The following ITSN1 variants were observed in gnomAD, a reference collection of about 807,000 sequenced individuals.
ITSN1 encodes intersectin-1.
A neutral mutation model predicts 239.8 loss-of-function variants in ITSN1; 58 were observed. The observed-to-expected ratio is 0.24, with a 90% CI of 0.20 to 0.30. The LOEUF is 0.30. Among genes scored for constraint, ITSN1 ranks in the 10% least tolerant of loss-of-function variants. The pLI, the probability that ITSN1 is intolerant of heterozygous loss-of-function variation, is 1.00. For synonymous variants in ITSN1, 780 were observed against 770.8 expected (o/e 1.01, Z -0.20); for missense variants, 1,558 against 2,103.3 (o/e 0.74, Z 5.07).
chr21:33,706,373 A>G (rs2092248026), intron 1 of ITSN1, among the ~76,000 whole-genome samples: 2 of 151,980 alleles, frequency 1.3e-5, no homozygotes, highest in African/African-American at 4.8e-5. Context: ...CATTTTCCCC[A>G]CTTATATGAA....
chr21:33,804,955 G>A (rs2072298475), intron 20 of ITSN1, among the ~76,000 whole-genome samples: 1 of 152,238 alleles, frequency 6.6e-6, no homozygotes, highest in Non-Finnish European at 1.5e-5. Context: ...CAGCCAGTGG[G>A]TTGCGGGTTG....
chr21:33,806,754 T>C (rs2072488433), intron 20 of ITSN1, among the ~76,000 whole-genome samples: 1 of 152,238 alleles, frequency 6.6e-6, no homozygotes, highest in Admixed American at 6.5e-5. Flanking sequence ...AATGAAATTG[T>C]ATTGAGACCA....
intron 1 of ITSN1, among the ~76,000 whole-genome samples, chr21:33,674,715 ATAATT>A (rs1042083133): frequency 9.9e-5 from 15 of 152,170 alleles, no homozygotes; most frequent in Admixed American, 8.5e-4. Flanking sequence ...AGATTTGGAA[ATAATT>A]TAATTTTAAA....
chr21:33,721,912 T>C (rs1318745169), intron 3 of ITSN1: 4 of 151,720 alleles, frequency 2.6e-5, no homozygotes, highest in Admixed American at 2.0e-4. Context: ...TTTTTCTTCT[T>C]CTTTTTTTTT....
At chr21:33,648,665 G>A (rs770285300) in intron 1 of ITSN1, among the ~76,000 whole-genome samples, 21 of 152,188 alleles carry the variant, frequency 1.4e-4, no homozygotes, top group South Asian at 8.3e-4. Context: ...GGGCAACATA[G>A]CAAGACCCTA....
intron 29 of ITSN1, among the ~76,000 whole-genome samples, chr21:33,856,122 T>C (rs747578538): frequency 1.3e-5 from 2 of 152,252 alleles, no homozygotes; most frequent in Non-Finnish European, 2.9e-5. Context: ...ATAATTCTAG[T>C]ATAATACTTG....
chr21:33,870,231 C>T (rs1191130051), intron 33 of ITSN1, among the ~76,000 whole-genome samples: 1 of 152,212 alleles, frequency 6.6e-6, no homozygotes, highest in East Asian at 1.9e-4. Flanking sequence ...ACCACAGTTA[C>T]TATTTAATTA....
chr21:33,654,039 TTTCTTTCTCTCTTTGTCTC>T (rs2088807853), intron 1 of ITSN1, among the ~76,000 whole-genome samples: 1 of 151,902 alleles, frequency 6.6e-6, no homozygotes, highest in South Asian at 2.1e-4. Context: ...CCTCTTTCTC[TTTCTTTCTCTCTTTGTCTC>T]TTCTTTCTCT....
At chr21:33,829,459 CTGGGAACGGGCG>C (rs1314817137) in intron 26 of ITSN1, 153 bp from the exon 27 acceptor site, 6 of 702,736 alleles carry the variant, frequency 8.5e-6, no homozygotes, top group Non-Finnish European at 1.4e-5. Flanking sequence ...CCTGGTAGCT[CTGGGAACGGGCG>C]ATTCAGGGAG....
intron 1 of ITSN1, among the ~76,000 whole-genome samples, chr21:33,708,230 G>C (rs2092308541): frequency 6.6e-6 from 1 of 152,178 alleles, no homozygotes; most frequent in Non-Finnish European, 1.5e-5. Flanking sequence ...AATTGTAAGA[G>C]TTCTTTAGAT....
intron 29 of ITSN1, among the ~76,000 whole-genome samples, chr21:33,839,350 A>G (rs1169880917): frequency 2.6e-5 from 4 of 152,152 alleles, no homozygotes; most frequent in Non-Finnish European, 4.4e-5. Flanking sequence ...GGGTGGCTGC[A>G]GGGCAAGGAT....
chr21:33,763,754 C>T (rs1266094995), intron 9 of ITSN1, among the ~76,000 whole-genome samples: 1 of 151,984 alleles, frequency 6.6e-6, no homozygotes, highest in Non-Finnish European at 1.5e-5. Flanking sequence ...TTGCCTGGGT[C>T]CTACAGGCTT....
rs146081705 is a variant in ITSN1 at position 33,797,388 on chromosome 21, G to A, written c.1962G>A (p.Gln654=). ...GCGTGTTTGTTGGCAGACGAGCTCA[G>A]GAAAGGGACAAGCAGTGGCTGGAGC... ...KQKEEAQRRA[Q]ERDKQWLEHV... is the part of the protein sequence containing the mutation. The change falls in exon 18 of 40, where the codon CAG becomes CAA. Residue 654 remains glutamine, a synonymous_variant. Transcript: ENST00000381318. This position sits in a 1 kb window ranked among gnomAD's most constrained non-coding sequence, Gnocchi z 4.9. 1,575 of 1,613,780 alleles carry A rather than the reference G, an allele frequency of 9.8e-4. 12 individuals are homozygous for A. The African/African-American group carries it at 0.017, about 17-fold the overall frequency.
chr21:33,813,006 T>C (rs1569232483), intron 21 of ITSN1, among the ~76,000 whole-genome samples: 1 of 152,042 alleles, frequency 6.6e-6, no homozygotes, highest in Non-Finnish European at 1.5e-5. Context: ...CATTTAACTA[T>C]TGTTATTACA....
In ITSN1 at chr21:33,642,628, G is replaced by A. The variant is rs1019528636; in HGVS notation, c.-118G>A. ...GAGGCGGGCGGGGATGGTGTGCGGGGCTGCGGCTCCTGCGTCCCTCCCAGC... is the reference window on the plus strand; with the variant it reads ...GAGGCGGGCGGGGATGGTGTGCGGGACTGCGGCTCCTGCGTCCCTCCCAGC... On this transcript the variant is annotated 5_prime_UTR_variant, in exon 1 of 40. Coordinates refer to ENST00000381318, the MANE Select transcript of ITSN1 (RefSeq NM_003024.3). 6.5e-6 allele frequency: 1 copy of A among 153,312 alleles called. No homozygotes were observed. The highest frequency in any genetic ancestry group is 1.5e-5 in the Non-Finnish European group (1 of 68,498). 9.5% of individuals were successfully genotyped at this position (153,312 alleles called of 1,614,324 possible). A position where few individuals can be genotyped will look rare whatever the true frequency, so the allele number is the denominator to read the frequency against.
chr21:33,793,622 G>GGA (rs2071317522), intron 16 of ITSN1, among the ~76,000 whole-genome samples: 1 of 152,188 alleles, frequency 6.6e-6, no homozygotes, highest in Non-Finnish European at 1.5e-5. Flanking sequence ...AGCCTGCTAA[G>GGA]GAAATTACTG....
At chr21:33,646,561 T>C (rs6517187) in intron 1 of ITSN1, among the ~76,000 whole-genome samples, 148,658 of 152,308 alleles carry the variant, frequency 0.98, 72,562 homozygotes, top group East Asian at 1. Flanking sequence ...AGCTCAAACT[T>C]TGGAGAATAT....
chr21:33,772,472 T>C, intron 12 of ITSN1, 149 bp downstream of exon 12: 1 of 977,444 alleles, frequency 1.0e-6, no homozygotes, highest in South Asian at 1.7e-5. Flanking sequence ...CGTCCCTAAT[T>C]CCAGAACATT....
chr21:33,707,139 T>C (rs2092278121), intron 1 of ITSN1, among the ~76,000 whole-genome samples: 1 of 152,208 alleles, frequency 6.6e-6, no homozygotes, highest in Admixed American at 6.5e-5. Context: ...TCCATCAACA[T>C]AGATATGCTA....
Sources: gnomAD v4.1 joint callset for allele counts (sites outside exome capture counted in the v4.1 genomes callset) on GRCh38, gnomAD v4.1.1 for gene constraint, Gnocchi (gnomAD v3.1) non-coding constraint, MANE v1.5 for transcripts, NCBI Gene and HGNC (gene_info 2026-07-23, HGNC 2026-07-21) for gene names.